Variants in CSMD1 observed in about 807,000 individuals in gnomAD.
The protein encoded by CSMD1 is CUB and Sushi multiple domains 1.
A neutral mutation model predicts 417.5 loss-of-function variants in CSMD1; 213 were observed. The ratio of observed to expected loss-of-function variants is 0.51; its 90% CI spans 0.46 to 0.57. The LOEUF (loss-of-function observed/expected upper bound fraction) is 0.57, where lower values mean the gene tolerates loss of function less well. CSMD1 is among the 20% of genes least tolerant of loss of function. The probability of loss-of-function intolerance (pLI) is 0.00; values close to 1 mark genes in which losing one functional copy is unlikely to be tolerated. For missense variants in CSMD1, 6,923 were observed against 4,529.7 expected, an observed-to-expected ratio of 1.53 and a Z score of -15.17; for synonymous variants, 2,862 against 1,736.8, an observed-to-expected ratio of 1.65 and a Z score of -16.11.
chr8:3,039,645 G>C (rs997825161), intron 50 of CSMD1, among the ~76,000 whole-genome samples: 1 of 151,834 alleles, frequency 6.6e-6, no homozygotes, highest in African/African-American at 2.4e-5. Flanking sequence ...GAGATTATAA[G>C]CCCTAAATGA....
chr8:4,083,496 T>C (rs888060866), intron 3 of CSMD1, among the ~76,000 whole-genome samples: 6 of 152,260 alleles, frequency 3.9e-5, no homozygotes, highest in African/African-American at 1.2e-4. Flanking sequence ...AACAGAGATA[T>C]AGATCAATGG....
At chr8:3,859,133 T>C (rs1178537438) in intron 5 of CSMD1, among the ~76,000 whole-genome samples, 1 of 152,180 alleles carries the variant, frequency 6.6e-6, no homozygotes, top group African/African-American at 2.4e-5. Context: ...ATTCAACCTA[T>C]CTCTACTCCA....
At chr8:3,021,009 A>G (rs985472148) in intron 51 of CSMD1, among the ~76,000 whole-genome samples, 4 of 152,194 alleles carry the variant, frequency 2.6e-5, no homozygotes, top group African/African-American at 9.7e-5. Context: ...TTCAACTATG[A>G]TATTTAAAGA....
intron 2 of CSMD1, among the ~76,000 whole-genome samples, chr8:4,633,105 C>G (rs773448963): frequency 6.6e-6 from 1 of 152,154 alleles, no homozygotes; most frequent in Admixed American, 6.5e-5. Flanking sequence ...AGAGGGGAGC[C>G]TGGGGCAGGA....
intron 1 of CSMD1, among the ~76,000 whole-genome samples, chr8:4,670,017 A>G (rs906406391): frequency 6.6e-6 from 1 of 152,168 alleles, no homozygotes; most frequent in African/African-American, 2.4e-5. Context: ...CTCCAGAACA[A>G]ATGAACTCAA....
chr8:3,145,043 T>TTGTGTGTGTGTG (rs34827109), intron 40 of CSMD1, among the ~76,000 whole-genome samples: 31,083 of 146,644 alleles, frequency 0.21, 3,436 homozygotes, highest in South Asian at 0.41. Context: ...GAGTAAAGAG[T>TTGTGTGTGTGTG]TGTGTGTGTG....
chr8:3,800,592 T>C (rs1226145462), intron 5 of CSMD1, among the ~76,000 whole-genome samples: 1 of 152,158 alleles, frequency 6.6e-6, no homozygotes, highest in African/African-American at 2.4e-5. Context: ...ATGTTGAAAC[T>C]TGATCTCCAA....
chr8:4,787,941 A>C lies in CSMD1; in HGVS notation c.86-150383T>G, dbSNP rs907733417. ...AATTGTTCTTGCTGATGTAATTGAC[A>C]ATGATTCCTGGAGACTCTGGCCATC... On this transcript the variant is annotated intron_variant, in intron 1 of 69. Coordinates refer to ENST00000635120, the MANE Select transcript of CSMD1 (RefSeq NM_033225.6). 4.4e-6 allele frequency: 7 copies of C among 1,594,682 alleles called. No homozygotes were observed. In the Admixed American group the frequency reaches 8.6e-5, roughly 20 times the overall value.
At chr8:3,366,889 C>T in intron 20 of CSMD1, 143 bp downstream of exon 20, 1 of 709,970 alleles carries the variant, frequency 1.4e-6, no homozygotes, top group East Asian at 2.7e-5. Flanking sequence ...CTCCTGCACC[C>T]CATTAGTTGG....
intron 2 of CSMD1, among the ~76,000 whole-genome samples, chr8:4,476,100 ATAGAT>A (rs1252668252): frequency 6.6e-6 from 1 of 151,964 alleles, no homozygotes; most frequent in Non-Finnish European, 1.5e-5. Context: ...TTAATACATA[ATAGAT>A]TAAATTTATA....
intron 4 of CSMD1, among the ~76,000 whole-genome samples, chr8:4,003,407 C>CAA (rs201194875): frequency 3.4e-5 from 4 of 118,012 alleles, no homozygotes; most frequent in African/African-American, 1.2e-4. Flanking sequence ...AACAAACAAA[C>CAA]AAAAAAACAA....
chr8:4,313,947 G>A (rs888779408), intron 3 of CSMD1, among the ~76,000 whole-genome samples: 1 of 151,982 alleles, frequency 6.6e-6, no homozygotes, highest in Non-Finnish European at 1.5e-5. Context: ...CTGGGAGGCA[G>A]AGGTTGCAGC....
chr8:4,270,762 T>G (rs1804536028), intron 3 of CSMD1, among the ~76,000 whole-genome samples: 1 of 152,202 alleles, frequency 6.6e-6, no homozygotes, highest in African/African-American at 2.4e-5. Context: ...ACTCATCACC[T>G]GCACGGCACC....
chr8:3,247,912 G>A (rs1032906867), intron 26 of CSMD1, among the ~76,000 whole-genome samples: 3 of 152,190 alleles, frequency 2.0e-5, no homozygotes, highest in Non-Finnish European at 4.4e-5. Flanking sequence ...TTCCAGAAGG[G>A]AAGCATGTGC....
chr8:3,364,503 T>A (rs556135168), intron 20 of CSMD1, among the ~76,000 whole-genome samples: 1 of 152,348 alleles, frequency 6.6e-6, no homozygotes, highest in South Asian at 2.1e-4. Flanking sequence ...AAGTAGTTTA[T>A]AATGACAGTG....
chr8:4,405,640 G>C (rs756596266), intron 3 of CSMD1, among the ~76,000 whole-genome samples: 1 of 152,186 alleles, frequency 6.6e-6, no homozygotes, highest in Non-Finnish European at 1.5e-5. Flanking sequence ...GTTTTGCTTG[G>C]CATTGCATTA....
At chr8:4,872,991 G>C (rs1258671078) in intron 1 of CSMD1, among the ~76,000 whole-genome samples, 1 of 152,024 alleles carries the variant, frequency 6.6e-6, no homozygotes, top group East Asian at 1.9e-4. Flanking sequence ...AAGGTGTACA[G>C]TGTGTGATGC....
chr8:4,093,409 A>C (rs1039659566), intron 3 of CSMD1, among the ~76,000 whole-genome samples: 1 of 152,210 alleles, frequency 6.6e-6, no homozygotes, highest in African/African-American at 2.4e-5. Context: ...GTTTAAAGCC[A>C]ACAGAGGTGT....
intron 41 of CSMD1, among the ~76,000 whole-genome samples, chr8:3,120,557 A>G (rs1057462430): frequency 6.6e-6 from 1 of 152,140 alleles, no homozygotes. Flanking sequence ...CTTTAAAATG[A>G]CAATGTGCAG....
Sources: gnomAD v4.1 joint callset for allele counts (sites outside exome capture counted in the v4.1 genomes callset) on GRCh38, gnomAD v4.1.1 for gene constraint, MANE v1.5 for transcripts, NCBI Gene and HGNC (gene_info 2026-07-23, HGNC 2026-07-21) for gene names.